TENM3: variants seen among roughly 807,000 people sequenced by gnomAD.
TENM3 encodes the protein teneurin-3.
In TENM3, 63 loss-of-function variants were observed where a neutral mutation model predicts 255.1. The observed-to-expected ratio is 0.25, with a 90% CI of 0.20 to 0.30. The LOEUF (loss-of-function observed/expected upper bound fraction) is 0.30, where lower values mean the gene tolerates loss of function less well. Ranked by LOEUF, TENM3 falls within the 10% of genes least tolerant of loss-of-function variation. The pLI, the probability that TENM3 is intolerant of heterozygous loss-of-function variation, is 1.00. For missense variants in TENM3, 2,929 were observed against 3,461.1 expected (o/e 0.85, Z 3.86); for synonymous variants, 1,306 against 1,322.3 (o/e 0.99, Z 0.27).
At chr4:182,491,491 G>T (rs1240309536) in intron 3 of TENM3, among the ~76,000 whole-genome samples, 1 of 151,936 alleles carries the variant, frequency 6.6e-6, no homozygotes, top group Non-Finnish European at 1.5e-5. Flanking sequence ...ATGATACTGT[G>T]GTAGTTTTGG....
chr4:181,837,318 A>C, the TENM3 span, among the ~76,000 whole-genome samples: 2 of 152,274 alleles, frequency 1.3e-5, no homozygotes, highest in South Asian at 4.1e-4. Flanking sequence ...TAAATGTTTT[A>C]CTGTTTTGCA....
intron 4 of TENM3, among the ~76,000 whole-genome samples, chr4:182,627,890 A>G (rs60065123): frequency 0.018 from 2,780 of 152,228 alleles, 91 homozygotes; most frequent in African/African-American, 0.062. Context: ...TCTCTGTTGT[A>G]TGGCTCGGTG....
the TENM3 span, among the ~76,000 whole-genome samples, chr4:182,065,398 AGCATG>A: frequency 6.6e-6 from 1 of 152,232 alleles, no homozygotes; most frequent in Admixed American, 6.5e-5. Context: ...TTGTGCAGGA[AGCATG>A]GCTGGGGAGG....
At chr4:181,723,936 A>T in the TENM3 span, among the ~76,000 whole-genome samples, 1 of 152,232 alleles carries the variant, frequency 6.6e-6, no homozygotes, top group Non-Finnish European at 1.5e-5. Flanking sequence ...AGTGGTAAAG[A>T]AGAGCCATCT....
the TENM3 span, among the ~76,000 whole-genome samples, chr4:181,518,086 T>C: frequency 6.6e-6 from 1 of 152,312 alleles, no homozygotes; most frequent in East Asian, 1.9e-4. Flanking sequence ...AATCCCTGTC[T>C]TTAGGCAACG....
At chr4:182,435,680 A>T (rs1239265897) in intron 3 of TENM3, among the ~76,000 whole-genome samples, 1 of 152,198 alleles carries the variant, frequency 6.6e-6, no homozygotes, top group Admixed American at 6.5e-5. Context: ...GAAAATAGGA[A>T]ATTGATTTGA....
At chr4:182,205,848 C>T (rs970459841) in intron 1 of TENM3, among the ~76,000 whole-genome samples, 20 of 152,140 alleles carry the variant, frequency 1.3e-4, no homozygotes, top group African/African-American at 4.6e-4. Context: ...AAGCTGCCTT[C>T]GTACACGCAG....
At chr4:181,485,723 AT>A in the TENM3 span, among the ~76,000 whole-genome samples, 1 of 152,212 alleles carries the variant, frequency 6.6e-6, no homozygotes, top group Non-Finnish European at 1.5e-5. Context: ...TTGATGCCTA[AT>A]ATCACAGTTG....
the TENM3 span, among the ~76,000 whole-genome samples, chr4:181,638,448 A>C: frequency 2.0e-5 from 3 of 152,220 alleles, no homozygotes; most frequent in African/African-American, 7.2e-5. Flanking sequence ...AAGAAGTATA[A>C]AAATTATTAA....
At chr4:181,759,215 T>C in the TENM3 span, among the ~76,000 whole-genome samples, 1 of 151,878 alleles carries the variant, frequency 6.6e-6, no homozygotes, top group Non-Finnish European at 1.5e-5. Flanking sequence ...ATGAGAAAAT[T>C]AAGTAGTATA....
intron 13 of TENM3, among the ~76,000 whole-genome samples, chr4:182,722,728 C>T (rs1759839484): frequency 6.6e-6 from 1 of 152,168 alleles, no homozygotes; most frequent in South Asian, 2.1e-4. Flanking sequence ...CTCTGGCTAA[C>T]ATGTAGAGAA....
At chr4:182,690,029 C>A (rs1011393858) in intron 12 of TENM3, among the ~76,000 whole-genome samples, 3 of 152,204 alleles carry the variant, frequency 2.0e-5, no homozygotes, top group African/African-American at 7.2e-5. Flanking sequence ...GCCACAACCA[C>A]CAAAATTCCA....
intron 25 of TENM3, among the ~76,000 whole-genome samples, chr4:182,790,070 G>A (rs1765979238): frequency 6.6e-6 from 1 of 152,166 alleles, no homozygotes; most frequent in Non-Finnish European, 1.5e-5. Flanking sequence ...GGAAATGAAA[G>A]TAAAAGAAAG....
At chr4:181,639,463 G>C in the TENM3 span, among the ~76,000 whole-genome samples, 697 of 152,258 alleles carry the variant, frequency 4.6e-3, 6 homozygotes, top group African/African-American at 0.016. Context: ...CCACTGGCCA[G>C]CTGTGGTGGC....
intron 1 of TENM3, among the ~76,000 whole-genome samples, chr4:182,223,898 A>G (rs1209034670): frequency 1.3e-5 from 2 of 151,950 alleles, no homozygotes; most frequent in Non-Finnish European, 2.9e-5. Flanking sequence ...TGGCCTGTCC[A>G]GCAGATAGTT....
intron 5 of TENM3, among the ~76,000 whole-genome samples, chr4:182,639,321 G>A (rs992878069): frequency 4.6e-5 from 7 of 152,216 alleles, no homozygotes; most frequent in East Asian, 1.9e-4. Context: ...GTTAACCTTC[G>A]TAAACCTGAA....
intron 3 of TENM3, among the ~76,000 whole-genome samples, chr4:182,353,325 T>C (rs1765304138): frequency 6.6e-6 from 1 of 152,202 alleles, no homozygotes; most frequent in Admixed American, 6.5e-5. Flanking sequence ...AAACTATAGC[T>C]TGAATATAAA....
At chr4:181,730,144 T>C in the TENM3 span, among the ~76,000 whole-genome samples, 2 of 152,104 alleles carry the variant, frequency 1.3e-5, no homozygotes, top group Non-Finnish European at 2.9e-5. Context: ...ATACACGCGT[T>C]TGAGGGGAGT....
chr4:182,087,221 A>G, the TENM3 span, among the ~76,000 whole-genome samples: 3 of 152,198 alleles, frequency 2.0e-5, no homozygotes, highest in Non-Finnish European at 4.4e-5. Context: ...GCAAGTAAAC[A>G]CTTACTAATT....
Sources: allele counts gnomAD v4.1 joint callset (sites outside exome capture counted in the v4.1 genomes callset), GRCh38; gene constraint gnomAD v4.1.1; transcripts MANE v1.5; gene names NCBI Gene and HGNC (gene_info 2026-07-23, HGNC 2026-07-21).